PLEKHG1: variants seen among roughly 807,000 people sequenced by gnomAD.
PLEKHG1 encodes the protein pleckstrin homology and RhoGEF domain containing G1, also known as pleckstrin homology domain-containing family G member 1.
Under a neutral mutation model 100.8 loss-of-function variants are expected in PLEKHG1, and 44 were observed. That is an observed-to-expected ratio of 0.44 (90% CI 0.34 to 0.56). The LOEUF (loss-of-function observed/expected upper bound fraction) is 0.56, where lower values mean the gene tolerates loss of function less well. Among genes scored for constraint, PLEKHG1 ranks in the 20% least tolerant of loss-of-function variants. PLEKHG1 has a pLI of 0.01. For synonymous variants in PLEKHG1, 640 were observed against 662.5 expected (o/e 0.97, Z 0.52); for missense variants, 1,545 against 1,720.9 (o/e 0.90, Z 1.81).
intron 3 of PLEKHG1, among the ~76,000 whole-genome samples, chr6:150,676,026 TC>T (rs1014025638): frequency 3.3e-5 from 5 of 152,094 alleles, no homozygotes; most frequent in Admixed American, 2.6e-4. Context: ...CACAGTGAAC[TC>T]CCAATGAACT....
At chr6:150,652,201 A>G (rs2128574825) in intron 3 of PLEKHG1, among the ~76,000 whole-genome samples, 1 of 152,336 alleles carries the variant, frequency 6.6e-6, no homozygotes, top group East Asian at 1.9e-4. Flanking sequence ...AAGAAGGAAG[A>G]GGAGATATGC....
intron 3 of PLEKHG1, among the ~76,000 whole-genome samples, chr6:150,690,237 TG>T (rs1447594582): frequency 6.6e-6 from 1 of 152,142 alleles, no homozygotes; most frequent in East Asian, 1.9e-4. Context: ...CATAAGTAAT[TG>T]GGGGTACAGG....
At chr6:150,734,153 G>A in intron 2 of PLEKHG1, 61 bp downstream of exon 3, 1 of 1,522,466 alleles carries the variant, frequency 6.6e-7, no homozygotes, top group South Asian at 1.3e-5. Context: ...CAAAAGAAAT[G>A]ACAAAGCCAA....
intron 2 of PLEKHG1, among the ~76,000 whole-genome samples, chr6:150,753,259 C>T (rs563634302): frequency 1.3e-5 from 2 of 152,238 alleles, no homozygotes; most frequent in East Asian, 1.9e-4. Flanking sequence ...GGCAGGATCT[C>T]GCTGGGGCAG....
At chr6:150,768,805 C>T (rs971664365) in intron 3 of PLEKHG1, 67 bp downstream of exon 4, 2 of 927,658 alleles carry the variant, frequency 2.2e-6, no homozygotes, top group South Asian at 1.4e-5. Flanking sequence ...ATGAATGCAG[C>T]CTAAGAAACT....
intron 3 of PLEKHG1, among the ~76,000 whole-genome samples, chr6:150,709,504 A>T (rs1346199817): frequency 1.3e-5 from 2 of 152,172 alleles, no homozygotes; most frequent in African/African-American, 4.8e-5. Context: ...TAAAAAGTGG[A>T]TTGGTGGGAC....
At chr6:150,654,725 C>G (rs75569882) in intron 3 of PLEKHG1, among the ~76,000 whole-genome samples, 7,681 of 152,334 alleles carry the variant, frequency 0.05, 412 homozygotes, top group African/African-American at 0.14. Context: ...GGCCTTGTAA[C>G]TGTTTTCCTC....
intron 15 of PLEKHG1, among the ~76,000 whole-genome samples, chr6:150,838,961 C>T (rs1425848053): frequency 1.3e-5 from 2 of 152,054 alleles, no homozygotes; most frequent in Admixed American, 6.6e-5. Context: ...CATTGGTTCC[C>T]CAGACAATGG....
chr6:150,725,933 TA>T (rs1196587359), intron 1 of PLEKHG1, among the ~76,000 whole-genome samples: 5 of 151,854 alleles, frequency 3.3e-5, no homozygotes, highest in East Asian at 1.9e-4. Context: ...TATGTGACCA[TA>T]AAAAAAAGAA....
At chr6:150,676,762 C>T (rs191571508) in intron 3 of PLEKHG1, among the ~76,000 whole-genome samples, 26 of 152,280 alleles carry the variant, frequency 1.7e-4, no homozygotes, top group African/African-American at 5.8e-4. Context: ...TAGTGACAGC[C>T]TACATATCTA....
intron 15 of PLEKHG1, among the ~76,000 whole-genome samples, chr6:150,838,139 G>A (rs986989240): frequency 6.6e-6 from 1 of 152,174 alleles, no homozygotes; most frequent in African/African-American, 2.4e-5. Flanking sequence ...AGTAGTTTAA[G>A]TTCAAGAAAT....
Position 150,727,859 on chromosome 6 carries a change from G to C in PLEKHG1, c.-98-5725G>C, listed in dbSNP as rs188678651. ...CAGAAATTCTTACATTGTTGGCCCTGTGCTTGGGATTTTGGAATAGACAGA... is the reference window on the plus strand; with the variant it reads ...CAGAAATTCTTACATTGTTGGCCCTCTGCTTGGGATTTTGGAATAGACAGA... On this transcript the variant is annotated intron_variant, in intron 1 of 15. Coordinates refer to ENST00000358517, the Ensembl canonical transcript of PLEKHG1. Among the ~76,000 whole-genome samples, 499 of 152,318 alleles carry C rather than the reference G, an allele frequency of 3.3e-3. 3 individuals are homozygous for C. The highest frequency in any genetic ancestry group is 0.012 in the African/African-American group (490 of 41,570).
At chr6:150,827,298 A>T (rs1776663707) in intron 14 of PLEKHG1, among the ~76,000 whole-genome samples, 2 of 139,964 alleles carry the variant, frequency 1.4e-5, no homozygotes, top group Admixed American at 7.3e-5. Flanking sequence ...TTTTTTTGAG[A>T]TAGAGTTTCG....
intron 3 of PLEKHG1, among the ~76,000 whole-genome samples, chr6:150,690,312 C>A (rs2128593170): frequency 6.6e-6 from 1 of 151,918 alleles, no homozygotes; most frequent in East Asian, 2.0e-4. Flanking sequence ...GCGCCCATCA[C>A]CCAAGCAGCA....
At chr6:150,817,730 G>C (rs1257735519) in intron 10 of PLEKHG1, among the ~76,000 whole-genome samples, 3 of 151,864 alleles carry the variant, frequency 2.0e-5, no homozygotes, top group African/African-American at 7.3e-5. Context: ...GCTAATCTTT[G>C]TATTTTTAGT....
intron 14 of PLEKHG1, among the ~76,000 whole-genome samples, chr6:150,824,531 T>C (rs990351841): frequency 2.0e-5 from 3 of 152,096 alleles, no homozygotes; most frequent in African/African-American, 7.2e-5. Flanking sequence ...CTTTTTTTTT[T>C]TTTCTTTTGA....
At chr6:150,769,906 C>T (rs1215848059) in intron 3 of PLEKHG1, among the ~76,000 whole-genome samples, 1 of 152,220 alleles carries the variant, frequency 6.6e-6, no homozygotes, top group East Asian at 1.9e-4. Context: ...TGTTCCTTTC[C>T]TCTCCACCCT....
At chr6:150,782,834 A>G (rs1219901874) in intron 3 of PLEKHG1, among the ~76,000 whole-genome samples, 1 of 152,218 alleles carries the variant, frequency 6.6e-6, no homozygotes, top group East Asian at 1.9e-4. Context: ...CCCTGCGAAG[A>G]GTTCATGATT....
chr6:150,679,660 T>G (rs1302112507), intron 3 of PLEKHG1, among the ~76,000 whole-genome samples: 3 of 152,250 alleles, frequency 2.0e-5, no homozygotes, highest in Non-Finnish European at 4.4e-5. Context: ...TCGTTGAGTA[T>G]GTACTCTGTG....
Sources: allele counts gnomAD v4.1 joint callset (sites outside exome capture counted in the v4.1 genomes callset), GRCh38; gene constraint gnomAD v4.1.1; transcripts MANE v1.5; gene names NCBI Gene and HGNC (gene_info 2026-07-23, HGNC 2026-07-21).